CR1: variants seen among roughly 807,000 people sequenced by gnomAD.
CR1 encodes the protein complement receptor type 1.
CR1 carries 116 observed loss-of-function variants against 187.3 expected under a neutral mutation model. That is an observed-to-expected ratio of 0.62 (90% CI 0.53 to 0.72). The LOEUF is 0.72. Ranked by LOEUF, CR1 falls within the 30% of genes least tolerant of loss-of-function variation. The pLI is 0.00. For missense variants in CR1, 1,731 were observed against 2,110.7 expected (o/e 0.82, Z 3.52); for synonymous variants, 576 against 747.1 (o/e 0.77, Z 3.73).
intron 3 of CR1, among the ~76,000 whole-genome samples, chr1:207,510,978 C>T (rs777411108): frequency 1.3e-5 from 2 of 151,870 alleles, no homozygotes; most frequent in African/African-American, 2.4e-5. Flanking sequence ...TGTGCCACCA[C>T]GCCTGGCTTT....
chr1:207,507,722 T>A (rs1195804771), intron 3 of CR1: 5 of 152,190 alleles, frequency 3.3e-5, no homozygotes, highest in Admixed American at 6.5e-5. Context: ...GGCAGTTTTT[T>A]ATAAAACTAA....
At chr1:207,618,025 T>C (rs781577019) in intron 41 of CR1, 46 bp from the exon 42 acceptor site, 1 of 1,587,334 alleles carries the variant, frequency 6.3e-7, no homozygotes, top group South Asian at 1.2e-5. Flanking sequence ...ATGTCTATGT[T>C]TAACTGAGTG....
At position 207,620,057 on chromosome 1, in the gene CR1, G is replaced by A; in HGVS notation, c.7244G>A (p.Cys2415Tyr). 6.2e-7 allele frequency: 1 copy of A among 1,608,528 alleles called. No individual in the cohort carries two copies. Among genetic ancestry groups the A allele is most frequent in the Non-Finnish European group, 8.5e-7 (1 of 1,178,568 alleles). ...DDRWDPPLAKCTSRTHDALIV... is the reference protein window; with the variant it reads ...DDRWDPPLAKYTSRTHDALIV... Reference sequence around the variant, plus strand: ...AGATGGGACCCTCCTCTGGCCAAATGTACCTCTCGTAAGTGCAAGTGCAAG... The same window carrying A: ...AGATGGGACCCTCCTCTGGCCAAATATACCTCTCGTAAGTGCAAGTGCAAG... Residue 2415 changes from cysteine (C) to tyrosine (Y), a missense_variant, in exon 43 of 47, where the codon TGT becomes TAT. By Grantham distance (194) the Cys-to-Tyr change is radical (BLOSUM62 -2). Coordinates refer to ENST00000367049, the MANE Select transcript of CR1 (RefSeq NM_000651.6).
chr1:207,615,545 C>T (rs1323296251), intron 40 of CR1, among the ~76,000 whole-genome samples: 3 of 152,186 alleles, frequency 2.0e-5, no homozygotes, highest in Admixed American at 2.0e-4. Context: ...GATAAAAGTA[C>T]ATGTTTGACA....
intron 32 of CR1, among the ~76,000 whole-genome samples, 188 bp downstream of exon 32, chr1:207,582,191 C>A (rs145267674): frequency 6.6e-6 from 1 of 152,030 alleles, no homozygotes; most frequent in African/African-American, 2.4e-5. Context: ...GTTTTGGGTA[C>A]CATCCTATAA....
At chr1:207,567,523 A>T (rs34883952) in intron 24 of CR1, among the ~76,000 whole-genome samples, 32,422 of 150,224 alleles carry the variant, frequency 0.22, 4,906 homozygotes, top group Non-Finnish European at 0.31. Flanking sequence ...GACTAAATGA[A>T]TAAATAACCC....
intron 4 of CR1, among the ~76,000 whole-genome samples, chr1:207,515,043 TTATATGTA>T (rs1032700070): frequency 1.3e-4 from 18 of 140,618 alleles, no homozygotes; most frequent in African/African-American, 4.5e-4. Context: ...ACATATATAC[TTATATGTA>T]TATATGTATA....
At chr1:207,577,268 A>AC (rs1044915083) in intron 28 of CR1, among the ~76,000 whole-genome samples, 10 of 151,952 alleles carry the variant, frequency 6.6e-5, no homozygotes, top group East Asian at 3.9e-4. Context: ...AAACAAACAA[A>AC]AAAAAAACAC....
chr1:207,516,377 C>T (rs1229248238), intron 4 of CR1, among the ~76,000 whole-genome samples: 1 of 152,166 alleles, frequency 6.6e-6, no homozygotes, highest in Non-Finnish European at 1.5e-5. Flanking sequence ...ATAAGCACTA[C>T]ATTAAGATTT....
chr1:207,589,996 A>G (rs1398537393), intron 35 of CR1, among the ~76,000 whole-genome samples: 1 of 149,844 alleles, frequency 6.7e-6, no homozygotes, highest in Non-Finnish European at 1.5e-5. Flanking sequence ...GTGTACCTGA[A>G]AGTGACGGGG....
chr1:207,607,968 CA>C (rs377560060), intron 36 of CR1, among the ~76,000 whole-genome samples: 24 of 152,218 alleles, frequency 1.6e-4, no homozygotes, highest in African/African-American at 4.8e-4. Flanking sequence ...TTGATGGCAG[CA>C]AAAGTAGGCA....
intron 3 of CR1, among the ~76,000 whole-genome samples, chr1:207,507,909 A>T (rs1370316874): frequency 1.3e-5 from 2 of 152,254 alleles, no homozygotes; most frequent in African/African-American, 4.8e-5. Flanking sequence ...GGGAATGGAT[A>T]AACTGTGGTA....
At chr1:207,607,529 C>T (rs943747010) in intron 36 of CR1, among the ~76,000 whole-genome samples, 193 bp downstream of exon 36, 1 of 152,222 alleles carries the variant, frequency 6.6e-6, no homozygotes, top group East Asian at 1.9e-4. Context: ...TGGGCTTGAA[C>T]CTAGGCAAAA....
At chr1:207,595,106 A>T (rs1175567536) in intron 35 of CR1, among the ~76,000 whole-genome samples, 1 of 150,572 alleles carries the variant, frequency 6.6e-6, no homozygotes, top group African/African-American at 2.4e-5. Context: ...AAAAGGAGTG[A>T]TGACTGGTAG....
chr1:207,504,371 G>T (rs1172111157), intron 1 of CR1, among the ~76,000 whole-genome samples: 1 of 151,976 alleles, frequency 6.6e-6, no homozygotes, highest in Non-Finnish European at 1.5e-5. Context: ...AAAGAAGGTT[G>T]CTCTACCATA....
In CR1 at chr1:207,577,897, C is replaced by T. The variant is rs772782879; in HGVS notation, c.4630C>T (p.Arg1544Cys). The change falls in exon 29 of 47, where the codon CGC becomes TGC. Residue 1544 changes from arginine to cysteine, a missense_variant. Transcript: ENST00000367049. ...NFHYGSVVTY[R>C]CNLGSRGRKV... Reference sequence around the variant, plus strand: ...TCACTATGGATCAGTGGTGACCTACCGCTGCAATCTTGGAAGCAGAGGGAG... The same window carrying T: ...TCACTATGGATCAGTGGTGACCTACTGCTGCAATCTTGGAAGCAGAGGGAG... The T allele has an allele frequency of 6.0e-5, 96 of 1,613,206 alleles. No homozygotes were observed. The highest frequency in any genetic ancestry group is 1.8e-4 in the Middle Eastern group (1 of 5,654).
chr1:207,611,213 C>T (rs1361543402), intron 37 of CR1, among the ~76,000 whole-genome samples: 3 of 152,110 alleles, frequency 2.0e-5, no homozygotes, highest in African/African-American at 4.8e-5. Flanking sequence ...CAGTTCAGCC[C>T]TGTGCTGACT....
rs775360427 is a variant in CR1, at chr1:207,580,625, C to A, written c.5216+12C>A. The A allele has an allele frequency of 2.5e-5, 40 of 1,606,938 alleles. No individual in the cohort carries two copies. The Middle Eastern group carries it at 1.8e-3, about 73-fold the overall frequency. On this transcript the variant is annotated intron_variant, in intron 31 of 46. Coordinates refer to ENST00000367049, the MANE Select transcript of CR1 (RefSeq NM_000651.6). ...GTCTGTGATGAAGGGTAAGTGTGAC[C>A]CAGAATTCAGATCAGGGACTCAGCA...
intron 46 of CR1, among the ~76,000 whole-genome samples, chr1:207,637,736 C>T (rs1405916379): frequency 1.3e-5 from 2 of 152,224 alleles, no homozygotes; most frequent in Non-Finnish European, 2.9e-5. Flanking sequence ...CATACACTAT[C>T]ATTAACATAT....
Sources: allele counts gnomAD v4.1 joint callset (sites outside exome capture counted in the v4.1 genomes callset), GRCh38; gene constraint gnomAD v4.1.1; transcripts MANE v1.5; gene names NCBI Gene and HGNC (gene_info 2026-07-23, HGNC 2026-07-21).